LARGE1: variants seen among roughly 807,000 people sequenced by gnomAD.
LARGE1 encodes the protein LARGE xylosyl- and glucuronyltransferase 1.
LARGE1 carries 43 observed loss-of-function variants against 87.6 expected under a neutral mutation model. The observed-to-expected ratio is 0.49, with a 90% CI of 0.38 to 0.63. LARGE1 has a LOEUF of 0.63. LARGE1 is among the 30% of genes least tolerant of loss of function. The probability of loss-of-function intolerance (pLI) is 0.00; values close to 1 mark genes in which losing one functional copy is unlikely to be tolerated. For missense variants in LARGE1, 802 were observed against 1,000.2 expected, an observed-to-expected ratio of 0.80 and a Z score of 2.67; for synonymous variants, 434 against 394.6, an observed-to-expected ratio of 1.10 and a Z score of -1.18.
intron 6 of LARGE1, among the ~76,000 whole-genome samples, chr22:33,434,716 T>G (rs537595066): frequency 6.6e-6 from 1 of 152,318 alleles, no homozygotes; most frequent in South Asian, 2.1e-4. Context: ...ATTTTGCCTG[T>G]TTACTTCTTC....
chr22:33,839,390 G>GC (rs1373004527), intron 1 of LARGE1, among the ~76,000 whole-genome samples: 1 of 152,062 alleles, frequency 6.6e-6, no homozygotes, highest in African/African-American at 2.4e-5. Flanking sequence ...CCTTCCACCA[G>GC]CCCCATCTCC....
Position 33,572,604 on chromosome 22 carries a change from A to G in LARGE1, c.616-7585T>C, listed in dbSNP as rs2078238879. The stretch of plus-strand genomic sequence containing the variant: ...TCAGGGCTCGATATGAGTGTTTAAA[A>G]TGACACATGCCATTAATCCCAGCAC... On this transcript the variant is annotated intron_variant, in intron 5 of 14. Coordinates refer to ENST00000397394, the MANE Select transcript of LARGE1 (RefSeq NM_133642.5). Among the ~76,000 whole-genome samples, 3 of 152,196 alleles carry G rather than the reference A, an allele frequency of 2.0e-5. No homozygotes were observed. In the South Asian group the frequency reaches 6.2e-4, roughly 32 times the overall value.
chr22:33,426,415 T>A (rs1417232204), intron 7 of LARGE1, among the ~76,000 whole-genome samples: 2 of 152,200 alleles, frequency 1.3e-5, no homozygotes, highest in Non-Finnish European at 2.9e-5. Context: ...CAGTATTCTT[T>A]CAGAACACGA....
intron 9 of LARGE1, among the ~76,000 whole-genome samples, chr22:33,365,678 A>G (rs1194786790): frequency 6.7e-6 from 1 of 150,312 alleles, no homozygotes; most frequent in African/African-American, 2.5e-5. Context: ...GCAGTGGCAC[A>G]ATCTCGGCTC....
At chr22:33,622,552 T>C (rs2079788582) in intron 4 of LARGE1, among the ~76,000 whole-genome samples, 1 of 152,214 alleles carries the variant, frequency 6.6e-6, no homozygotes, top group Non-Finnish European at 1.5e-5. Context: ...CTTTCATAAG[T>C]AGTTGCAGTT....
At chr22:33,921,453 C>G (rs1290493421), upstream of LARGE1, among the ~76,000 whole-genome samples, 1 of 152,032 alleles carries the variant, frequency 6.6e-6, no homozygotes, top group Non-Finnish European at 1.5e-5. The surrounding 1 kb of genome is among the most constrained non-coding windows in gnomAD (Gnocchi z 4.1). Flanking sequence ...AGCCTGCTCC[C>G]CAAATTGCAC....
chr22:33,565,838 C>A lies in LARGE1; in HGVS notation c.616-819G>T, dbSNP rs1037665728. Reference sequence around the variant, plus strand: ...GGCAGAGTCATCAGCGAGGTACACACACGGGTGCCATTTTGTGTCCAAAGG... The same window carrying A: ...GGCAGAGTCATCAGCGAGGTACACAAACGGGTGCCATTTTGTGTCCAAAGG... On this transcript the variant is annotated intron_variant, in intron 5 of 14. Coordinates refer to ENST00000397394, the MANE Select transcript of LARGE1 (RefSeq NM_133642.5). Among the ~76,000 whole-genome samples the A allele has an allele frequency of 2.0e-5, 3 of 152,324 alleles. No homozygotes were observed. The East Asian group carries it at 5.8e-4, about 29-fold the overall frequency.
At chr22:33,425,110 A>G (rs950076837) in intron 7 of LARGE1, among the ~76,000 whole-genome samples, 3 of 151,964 alleles carry the variant, frequency 2.0e-5, no homozygotes, top group African/African-American at 7.3e-5. Flanking sequence ...AAAAATACAA[A>G]AATTAGCCAG....
the LARGE1 span, among the ~76,000 whole-genome samples, chr22:33,103,912 T>G: frequency 2.6e-5 from 4 of 152,308 alleles, no homozygotes; most frequent in South Asian, 8.3e-4. Flanking sequence ...CCCCTTCCAC[T>G]TGGCTATCAC....
chr22:33,588,666 G>A (rs540910658), intron 5 of LARGE1, among the ~76,000 whole-genome samples: 1 of 152,210 alleles, frequency 6.6e-6, no homozygotes, highest in Non-Finnish European at 1.5e-5. Flanking sequence ...AATGGCTCTT[G>A]ACCTTCTGCT....
the LARGE1 span, among the ~76,000 whole-genome samples, chr22:33,072,186 T>A: frequency 6.6e-6 from 1 of 152,150 alleles, no homozygotes; most frequent in Non-Finnish European, 1.5e-5. Context: ...AAAATGCCTA[T>A]GAGGCAAAAC....
chr22:33,223,479 C>T (rs1193214281), intron 11 of LARGE1, among the ~76,000 whole-genome samples: 1 of 152,142 alleles, frequency 6.6e-6, no homozygotes, highest in Admixed American at 6.5e-5. Context: ...TTTCATCTGC[C>T]TGGAATCGCC....
intron 2 of LARGE1, among the ~76,000 whole-genome samples, chr22:33,754,368 G>A (rs902893834): frequency 1.4e-5 from 2 of 147,866 alleles, no homozygotes; most frequent in African/African-American, 5.0e-5. Context: ...ACGGAGTCTT[G>A]CTCTGTCACG....
chr22:33,120,374 C>CTTTCTT, the LARGE1 span, among the ~76,000 whole-genome samples: 2 of 86,632 alleles, frequency 2.3e-5, no homozygotes, highest in South Asian at 3.6e-4. Flanking sequence ...TTCTTTCTTT[C>CTTTCTT]TTTCTTTCTT....
chr22:33,742,216 C>G (rs1361650437), intron 2 of LARGE1, among the ~76,000 whole-genome samples: 1 of 152,132 alleles, frequency 6.6e-6, no homozygotes, highest in African/African-American at 2.4e-5. Context: ...ACTTCAGTTT[C>G]CTCGCCTGTA....
At chr22:33,409,922 T>C (rs78960977) in intron 7 of LARGE1, among the ~76,000 whole-genome samples, 1 of 150,742 alleles carries the variant, frequency 6.6e-6, no homozygotes, top group Non-Finnish European at 1.5e-5. Flanking sequence ...CAAGCAGCTA[T>C]GGAGTCTAGG....
At chr22:33,171,286 A>C (rs972809098) in intron 11 of LARGE1, among the ~76,000 whole-genome samples, 2 of 152,220 alleles carry the variant, frequency 1.3e-5, no homozygotes, top group Admixed American at 1.3e-4. Flanking sequence ...TAGAGCATAA[A>C]GGTTTGGAAA....
chr22:33,239,535 C>CTTTTTTTTTTTT (rs71187254), intron 11 of LARGE1, among the ~76,000 whole-genome samples: 33 of 95,310 alleles, frequency 3.5e-4, no homozygotes, highest in African/African-American at 3.9e-4. Context: ...TTTTTCTTTT[C>CTTTTTTTTTTTT]TTTTTTTTTT....
intron 11 of LARGE1, among the ~76,000 whole-genome samples, chr22:33,246,377 G>A (rs1370672944): frequency 1.3e-5 from 2 of 152,156 alleles, no homozygotes; most frequent in Non-Finnish European, 2.9e-5. Flanking sequence ...CAGGCGCGGT[G>A]GCTCACCCCT....
Sources: gnomAD v4.1 joint callset for allele counts (sites outside exome capture counted in the v4.1 genomes callset) on GRCh38, gnomAD v4.1.1 for gene constraint, Gnocchi (gnomAD v3.1) non-coding constraint, MANE v1.5 for transcripts, NCBI Gene and HGNC (gene_info 2026-07-23, HGNC 2026-07-21) for gene names.